RABEP1: variants seen among roughly 807,000 people sequenced by gnomAD.
RABEP1 encodes rab GTPase-binding effector protein 1.
In RABEP1, 51 loss-of-function variants were observed where a neutral mutation model predicts 123.4. That is an observed-to-expected ratio of 0.41 (90% CI 0.33 to 0.52). RABEP1 has a LOEUF of 0.52. Ranked by LOEUF, RABEP1 falls within the 20% of genes least tolerant of loss-of-function variation. RABEP1 has a pLI of 0.16. For synonymous variants in RABEP1, 347 were observed against 355.2 expected (o/e 0.98, Z 0.26); for missense variants, 888 against 996.3 (o/e 0.89, Z 1.46).
intron 12 of RABEP1, among the ~76,000 whole-genome samples, chr17:5,368,982 C>CCCAG (rs1196348728): frequency 6.6e-6 from 1 of 152,066 alleles, no homozygotes; most frequent in Non-Finnish European, 1.5e-5. Context: ...GTGGTGTGCA[C>CCCAG]CTGCAAATCC....
intron 15 of RABEP1, among the ~76,000 whole-genome samples, chr17:5,379,505 G>A (rs922866653): frequency 1.5e-4 from 23 of 152,256 alleles, no homozygotes; most frequent in African/African-American, 5.3e-4. Flanking sequence ...TGTTGCCACA[G>A]TCTTGATCAT....
intron 1 of RABEP1, among the ~76,000 whole-genome samples, chr17:5,301,961 A>G (rs561251365): frequency 1.3e-5 from 2 of 152,262 alleles, no homozygotes; most frequent in South Asian, 2.1e-4. Flanking sequence ...TTTACCATAC[A>G]TTGTTAAGGG....
intron 4 of RABEP1, among the ~76,000 whole-genome samples, chr17:5,335,777 C>T (rs189679639): frequency 9.3e-4 from 141 of 151,326 alleles, no homozygotes; most frequent in Non-Finnish European, 1.7e-3. Context: ...CTCTTTCTCT[C>T]TTTTTTTTTA....
chr17:5,341,000 T>C (rs557344227), intron 5 of RABEP1, among the ~76,000 whole-genome samples: 1 of 146,082 alleles, frequency 6.8e-6, no homozygotes, highest in South Asian at 2.2e-4. Context: ...AATATAAACA[T>C]AGGAATTTGT....
chr17:5,313,272 A>G (rs74773183), intron 2 of RABEP1, among the ~76,000 whole-genome samples: 2,415 of 152,270 alleles, frequency 0.016, 30 homozygotes, highest in Non-Finnish European at 0.025. Flanking sequence ...TATATATAAA[A>G]GGTTGTGGTA....
chr17:5,329,019 CTT>C (rs760060600), intron 2 of RABEP1, among the ~76,000 whole-genome samples: 15,003 of 110,066 alleles, frequency 0.14, 363 homozygotes, highest in East Asian at 0.18. Context: ...TTCAGAAAGA[CTT>C]TTTTTTTTTT....
chr17:5,302,127 A>T (rs1161303127), intron 1 of RABEP1, among the ~76,000 whole-genome samples: 1 of 152,154 alleles, frequency 6.6e-6, no homozygotes, highest in African/African-American at 2.4e-5. Flanking sequence ...GATTAGGAGA[A>T]ATCTGGAGAA....
At chr17:5,300,979 G>A (rs2075130967) in intron 1 of RABEP1, among the ~76,000 whole-genome samples, 1 of 152,166 alleles carries the variant, frequency 6.6e-6, no homozygotes, top group South Asian at 2.1e-4. Context: ...GATGGGGCCT[G>A]AGAACTTCTC....
chr17:5,320,439 A>AAAAAAG lies in RABEP1; in HGVS notation c.164-11500_164-11495dup, dbSNP rs1555520172. Among the ~76,000 whole-genome samples the AAAAAAG allele has an allele frequency of 2.6e-3, 330 of 128,808 alleles. 7 individuals carry two copies. The highest frequency in any genetic ancestry group is 5.4e-3 in the East Asian group (22 of 4,106). The allele number at this position is 128,808 out of a possible 152,430, so 84.5% of individuals were successfully genotyped here. A position where few individuals can be genotyped will look rare whatever the true frequency, so the allele number is the denominator to read the frequency against. On this transcript the variant is annotated intron_variant, in intron 2 of 17. Coordinates refer to ENST00000537505, the MANE Select transcript of RABEP1 (RefSeq NM_004703.6). The stretch of plus-strand genomic sequence containing the variant: ...AACACACCAAAAAAAAAAAAAAAAA[A>AAAAAAG]AAAAAGAAAAAGAAACACACTGGTA...
chr17:5,324,012 A>G (rs947575206), intron 2 of RABEP1, among the ~76,000 whole-genome samples: 2 of 151,848 alleles, frequency 1.3e-5, no homozygotes, highest in African/African-American at 4.8e-5. Context: ...TGACAATACT[A>G]TCCAAAGCAA....
At chr17:5,375,103 T>C (rs1910882488) in intron 13 of RABEP1, among the ~76,000 whole-genome samples, 1 of 151,254 alleles carries the variant, frequency 6.6e-6, no homozygotes, top group Non-Finnish European at 1.5e-5. Flanking sequence ...CTGTTTCTTT[T>C]TTTTTTTTTT....
intron 1 of RABEP1, among the ~76,000 whole-genome samples, chr17:5,302,591 C>CTTT (rs546960637): frequency 6.5e-5 from 8 of 123,386 alleles, no homozygotes; most frequent in Non-Finnish European, 8.4e-5. Flanking sequence ...ATTTTTTAGA[C>CTTT]TTTTTTTTTT....
At chr17:5,367,477 G>A (rs1354494873) in intron 11 of RABEP1, among the ~76,000 whole-genome samples, 2 of 151,642 alleles carry the variant, frequency 1.3e-5, no homozygotes, top group Non-Finnish European at 2.9e-5. Flanking sequence ...CACCATCTTG[G>A]CCAGGCTGGT....
In RABEP1 at chr17:5,383,624, G is replaced by C. The variant is rs1223322212; in HGVS notation, c.*401G>C. On this transcript the variant is annotated 3_prime_UTR_variant, in exon 18 of 18. Transcript: ENST00000537505. ...GAAGAGAGAATTTGCTTTATCTGTT[G>C]TCTAGAGCTCATCAGTAACAGTATT... 3 of 259,572 alleles carry C rather than the reference G, an allele frequency of 1.2e-5. No individual in the cohort carries two copies. Among genetic ancestry groups the C allele is most frequent in the Non-Finnish European group, 2.2e-5 (3 of 133,598 alleles). 16.1% of individuals were successfully genotyped at this position (259,572 alleles called of 1,614,324 possible). A position where few individuals can be genotyped will look rare whatever the true frequency, so the allele number is the denominator to read the frequency against.
At chr17:5,339,633 A>G (rs1233075419) in intron 5 of RABEP1, among the ~76,000 whole-genome samples, 1 of 150,784 alleles carries the variant, frequency 6.6e-6, no homozygotes, top group Non-Finnish European at 1.5e-5. Context: ...CCCTGTCTCT[A>G]CTAAAAATAC....
rs1567558851 is a variant in RABEP1 at position 5,383,287 on chromosome 17, ATTAT to A, written c.*66_*69del. ...TTAACTCATCTTTAGAGCAACAGTAATTATTATTTAACTCTTAACTGAAGAAAGA... is the reference window on the plus strand; with the variant it reads ...TTAACTCATCTTTAGAGCAACAGTAATATTTAACTCTTAACTGAAGAAAGA... On this transcript the variant is annotated 3_prime_UTR_variant, in exon 18 of 18. Coordinates refer to ENST00000537505, the MANE Select transcript of RABEP1 (RefSeq NM_004703.6). 2.4e-6 allele frequency: 3 copies of A among 1,254,204 alleles called. No homozygotes were observed. Among genetic ancestry groups the A allele is most frequent in the Non-Finnish European group, 3.5e-6 (3 of 858,538 alleles). 77.7% of individuals were successfully genotyped at this position (1,254,204 alleles called of 1,614,324 possible). A position where few individuals can be genotyped will look rare whatever the true frequency, so the allele number is the denominator to read the frequency against.
At chr17:5,306,148 T>C (rs1029986876) in intron 1 of RABEP1, among the ~76,000 whole-genome samples, 4 of 152,186 alleles carry the variant, frequency 2.6e-5, no homozygotes, top group African/African-American at 9.7e-5. Context: ...ACATCATAGC[T>C]TAGCCTAGCT....
chr17:5,349,497 C>T (rs186775605), intron 6 of RABEP1, among the ~76,000 whole-genome samples: 1 of 152,238 alleles, frequency 6.6e-6, no homozygotes, highest in East Asian at 1.9e-4. Flanking sequence ...CAGAAGATGG[C>T]TGAGCTGATG....
At chr17:5,337,922 T>A in intron 4 of RABEP1, 97 bp from the exon 5 acceptor site, 1 of 1,346,644 alleles carries the variant, frequency 7.4e-7, no homozygotes. Flanking sequence ...CTGGTCAAGT[T>A]ACTTGTTATA....
Sources: allele counts gnomAD v4.1 joint callset (sites outside exome capture counted in the v4.1 genomes callset), GRCh38; gene constraint gnomAD v4.1.1; transcripts MANE v1.5; gene names NCBI Gene and HGNC (gene_info 2026-07-23, HGNC 2026-07-21).